Variants in LRRC7 observed in about 807,000 individuals in gnomAD.
The protein encoded by LRRC7 is leucine-rich repeat-containing protein 7.
Under a neutral mutation model 175.7 loss-of-function variants are expected in LRRC7, and 23 were observed. The ratio of observed to expected loss-of-function variants is 0.13; its 90% CI spans 0.09 to 0.19. The LOEUF (loss-of-function observed/expected upper bound fraction) is 0.19, where lower values mean the gene tolerates loss of function less well. LRRC7 is among the 10% of genes least tolerant of loss of function. The pLI is 1.00. For synonymous variants in LRRC7, 685 were observed against 680.9 expected, an observed-to-expected ratio of 1.01 and a Z score of -0.09; for missense variants, 1,354 against 1,904.7, an observed-to-expected ratio of 0.71 and a Z score of 5.38.
chr1:70,038,005 A>G (rs921740906), intron 20 of LRRC7, 108 bp from the exon 21 acceptor site: 1 of 1,332,224 alleles, frequency 7.5e-7, no homozygotes, highest in Middle Eastern at 1.9e-4. Context: ...GGTGAGGATT[A>G]TTGATCAGTT....
intron 7 of LRRC7, chr1:69,919,347 A>C: frequency 1.7e-6 from 1 of 603,156 alleles, no homozygotes; most frequent in East Asian, 2.8e-5. Flanking sequence ...CAAGAGCGTG[A>C]GGAGGAAAGA....
intron 4 of LRRC7, among the ~76,000 whole-genome samples, chr1:69,802,336 T>C (rs1676611829): frequency 6.6e-6 from 1 of 151,544 alleles, no homozygotes; most frequent in Admixed American, 6.6e-5. Flanking sequence ...CCCACTATTA[T>C]TGTATTGCAT....
At chr1:69,870,627 G>A (rs1685433365) in intron 7 of LRRC7, among the ~76,000 whole-genome samples, 1 of 151,954 alleles carries the variant, frequency 6.6e-6, no homozygotes, top group Non-Finnish European at 1.5e-5. Context: ...ATGTATACAT[G>A]CAATTCCCGA....
chr1:69,837,819 A>G (rs1241751592), intron 6 of LRRC7, among the ~76,000 whole-genome samples: 1 of 151,180 alleles, frequency 6.6e-6, no homozygotes, highest in African/African-American at 2.4e-5. Flanking sequence ...AACCCTACTC[A>G]TAATCAATAT....
intron 2 of LRRC7, among the ~76,000 whole-genome samples, chr1:69,688,016 G>T (rs895324964): frequency 1.3e-5 from 2 of 152,072 alleles, no homozygotes; most frequent in African/African-American, 2.4e-5. Flanking sequence ...TGTTACTTTT[G>T]CTGTGACTGT....
chr1:70,092,842 A>G (rs550759311), intron 25 of LRRC7, among the ~76,000 whole-genome samples: 176 of 152,232 alleles, frequency 1.2e-3, no homozygotes, highest in African/African-American at 3.5e-3. Flanking sequence ...ATAAGGGAAT[A>G]TTTTTACCAG....
chr1:69,936,439 C>T (rs558072468), intron 8 of LRRC7, among the ~76,000 whole-genome samples: 30 of 152,210 alleles, frequency 2.0e-4, no homozygotes, highest in Non-Finnish European at 3.4e-4. Context: ...TTATAATTTT[C>T]TTCAGAAAAA....
At chr1:69,840,827 T>G (rs1681638374) in intron 7 of LRRC7, among the ~76,000 whole-genome samples, 1 of 152,048 alleles carries the variant, frequency 6.6e-6, no homozygotes, top group Non-Finnish European at 1.5e-5. Context: ...TGTAAATAAC[T>G]AGATTGCCAA....
chr1:69,636,560 A>C (rs956710244), intron 1 of LRRC7, among the ~76,000 whole-genome samples: 1 of 151,992 alleles, frequency 6.6e-6, no homozygotes, highest in Non-Finnish European at 1.5e-5. Flanking sequence ...CAGAAGTTCC[A>C]GCAAAATGTT....
At chr1:69,635,314 T>C (rs1653154484) in intron 1 of LRRC7, among the ~76,000 whole-genome samples, 1 of 152,086 alleles carries the variant, frequency 6.6e-6, no homozygotes, top group South Asian at 2.1e-4. Context: ...TGCTTTAAGC[T>C]TAGCGAAAGT....
chr1:69,789,005 C>A (rs564983028), intron 3 of LRRC7, among the ~76,000 whole-genome samples: 2 of 152,202 alleles, frequency 1.3e-5, no homozygotes, highest in South Asian at 4.1e-4. Flanking sequence ...TTTTCATGAA[C>A]AAATGAATGA....
chr1:69,989,647 C>A (rs556525627), intron 10 of LRRC7, among the ~76,000 whole-genome samples: 1 of 151,920 alleles, frequency 6.6e-6, no homozygotes, highest in East Asian at 1.9e-4. Context: ...AAAAAGCAAA[C>A]AAATTACCTT....
At chr1:69,848,673 C>T (rs1682638406) in intron 7 of LRRC7, among the ~76,000 whole-genome samples, 1 of 152,044 alleles carries the variant, frequency 6.6e-6, no homozygotes, top group Non-Finnish European at 1.5e-5. Context: ...CTACTCAAGT[C>T]AGGGTTATTT....
intron 7 of LRRC7, among the ~76,000 whole-genome samples, chr1:69,839,504 T>C (rs1409157014): frequency 6.6e-6 from 1 of 152,060 alleles, no homozygotes; most frequent in East Asian, 1.9e-4. Flanking sequence ...TGAAATATGG[T>C]TGAGGGTGTT....
chr1:69,816,824 G>C (rs1318044169), intron 4 of LRRC7, among the ~76,000 whole-genome samples: 1 of 151,902 alleles, frequency 6.6e-6, no homozygotes, highest in East Asian at 1.9e-4. Context: ...CCAGCACCTG[G>C]TAACAACTAT....
At chr1:69,851,124 T>C (rs1454040885) in intron 7 of LRRC7, among the ~76,000 whole-genome samples, 2 of 152,200 alleles carry the variant, frequency 1.3e-5, no homozygotes, top group South Asian at 2.1e-4. Context: ...CAAATGTTAC[T>C]GAGAAGTCAA....
intron 11 of LRRC7, among the ~76,000 whole-genome samples, chr1:70,007,710 C>T (rs1374317761): frequency 6.6e-6 from 1 of 152,092 alleles, no homozygotes; most frequent in Non-Finnish European, 1.5e-5. Context: ...AGATCCACTT[C>T]CAAAATTTTA....
intron 7 of LRRC7, among the ~76,000 whole-genome samples, chr1:69,910,315 C>T (rs1188766009): frequency 2.6e-5 from 4 of 152,150 alleles, no homozygotes; most frequent in Non-Finnish European, 5.9e-5. Context: ...ATCTTTGTGG[C>T]TTTATCTACT....
intron 4 of LRRC7, among the ~76,000 whole-genome samples, chr1:69,804,586 G>T (rs1676899868): frequency 6.6e-6 from 1 of 151,516 alleles, no homozygotes; most frequent in African/African-American, 2.4e-5. Context: ...TAGCTAGCCA[G>T]CTATCTAGAG....
Sources: gnomAD v4.1 joint callset for allele counts (sites outside exome capture counted in the v4.1 genomes callset) on GRCh38, gnomAD v4.1.1 for gene constraint, MANE v1.5 for transcripts, NCBI Gene and HGNC (gene_info 2026-07-23, HGNC 2026-07-21) for gene names.